The following PDE1C variants were observed in gnomAD, a reference collection of about 807,000 sequenced individuals.
PDE1C encodes the protein phosphodiesterase 1C.
In PDE1C, 62 loss-of-function variants were observed where a neutral mutation model predicts 93.1. The ratio of observed to expected loss-of-function variants is 0.67; its 90% confidence interval spans 0.54 to 0.82. The LOEUF (loss-of-function observed/expected upper bound fraction) is 0.82, where lower values mean the gene tolerates loss of function less well. Among genes scored for constraint, PDE1C ranks in the 40% least tolerant of loss-of-function variants. The pLI is 0.00. For missense variants in PDE1C, 742 were observed against 884.6 expected, an observed-to-expected ratio of 0.84 and a Z score of 2.04; for synonymous variants, 325 against 310.1, an observed-to-expected ratio of 1.05 and a Z score of -0.50.
the PDE1C span, among the ~76,000 whole-genome samples, chr7:31,644,137 A>G: frequency 3.6e-4 from 55 of 152,342 alleles, no homozygotes; most frequent in Admixed American, 1.3e-4. Context: ...TCTTCTCGAT[A>G]CTTCCAATCA....
intron 1 of PDE1C, among the ~76,000 whole-genome samples, chr7:32,389,425 C>A (rs1435787124): frequency 6.6e-6 from 1 of 152,138 alleles, no homozygotes; most frequent in Admixed American, 6.6e-5. Flanking sequence ...CCATGTTGGC[C>A]AGGCTGGTTT....
At chr7:32,185,559 C>G (rs1455097429) in intron 2 of PDE1C, among the ~76,000 whole-genome samples, 6 of 152,094 alleles carry the variant, frequency 3.9e-5, no homozygotes, top group Non-Finnish European at 8.8e-5. Context: ...TTCATCTTAC[C>G]TATTTCTTTT....
intron 2 of PDE1C, among the ~76,000 whole-genome samples, chr7:31,904,258 A>C (rs1388421785): frequency 6.6e-6 from 1 of 152,172 alleles, no homozygotes; most frequent in Non-Finnish European, 1.5e-5. Context: ...AGGAAGATAA[A>C]ACATTCTAAC....
chr7:31,996,105 A>ACT (rs1554455483), intron 2 of PDE1C, among the ~76,000 whole-genome samples: 136 of 148,214 alleles, frequency 9.2e-4, no homozygotes, highest in African/African-American at 3.2e-3. Context: ...ACACACACAC[A>ACT]CTTCCATGCA....
At chr7:32,222,126 G>T (rs7793909) in intron 1 of PDE1C, among the ~76,000 whole-genome samples, 18,300 of 152,032 alleles carry the variant, frequency 0.12, 1,192 homozygotes, top group East Asian at 0.23. Context: ...ACACACAAAT[G>T]CACATATGCA....
At chr7:32,089,958 A>G (rs1281391382) in intron 3 of PDE1C, among the ~76,000 whole-genome samples, 1 of 152,212 alleles carries the variant, frequency 6.6e-6, no homozygotes, top group Non-Finnish European at 1.5e-5. Context: ...AAGGCAGGAC[A>G]AAAATAGTTT....
chr7:31,975,922 A>G (rs1811604569), intron 2 of PDE1C, among the ~76,000 whole-genome samples: 1 of 152,214 alleles, frequency 6.6e-6, no homozygotes, highest in Non-Finnish European at 1.5e-5. Flanking sequence ...GACCAATCAA[A>G]AAGTATCACA....
chr7:32,114,511 AG>A (rs1417841207), intron 3 of PDE1C, among the ~76,000 whole-genome samples: 3 of 152,246 alleles, frequency 2.0e-5, no homozygotes, highest in African/African-American at 7.2e-5. Context: ...AAGCCATAAA[AG>A]CCCTAGAAGA....
At chr7:31,679,078 C>A in the PDE1C span, among the ~76,000 whole-genome samples, 1 of 152,166 alleles carries the variant, frequency 6.6e-6, no homozygotes, top group Non-Finnish European at 1.5e-5. Context: ...AAACTACATG[C>A]TTACTTTGTA....
the PDE1C span, chr7:31,707,292 C>T: frequency 6.2e-7 from 1 of 1,608,466 alleles, no homozygotes; most frequent in Non-Finnish European, 8.5e-7. Flanking sequence ...AAAGATAGTT[C>T]CCCTGAGACC....
At chr7:32,280,420 C>A (rs1811552519) in intron 1 of PDE1C, among the ~76,000 whole-genome samples, 1 of 151,726 alleles carries the variant, frequency 6.6e-6, no homozygotes, top group Non-Finnish European at 1.5e-5. Context: ...GGTCAAACAG[C>A]CAAAAAATAG....
intron 1 of PDE1C, among the ~76,000 whole-genome samples, chr7:32,279,701 G>C (rs1464047811): frequency 6.6e-6 from 1 of 151,996 alleles, no homozygotes; most frequent in Non-Finnish European, 1.5e-5. Flanking sequence ...AGTAGAAAAT[G>C]CTGATATGCC....
intron 15 of PDE1C, among the ~76,000 whole-genome samples, chr7:31,813,496 G>T (rs1159100375): frequency 2.6e-5 from 4 of 152,214 alleles, no homozygotes; most frequent in Non-Finnish European, 5.9e-5. Context: ...TGGAGCTGAT[G>T]TCTTGATCAT....
At chr7:32,212,025 CA>C (rs35827566) in intron 1 of PDE1C, among the ~76,000 whole-genome samples, 24,483 of 81,282 alleles carry the variant, frequency 0.3, 1,782 homozygotes, top group South Asian at 0.41. Context: ...GAACCTATCT[CA>C]AAAAAAAAAA....
intron 2 of PDE1C, among the ~76,000 whole-genome samples, chr7:31,928,463 C>T (rs1803695349): frequency 6.6e-6 from 1 of 151,204 alleles, no homozygotes; most frequent in Non-Finnish European, 1.5e-5. Flanking sequence ...AGAAGAGTAA[C>T]CCCAAGAAAC....
In PDE1C at chr7:32,002,932, GTTTC is replaced by G. The variant is rs750459596; in HGVS notation, c.128+48618_128+48621del. 1.9e-3 allele frequency among the ~76,000 whole-genome samples: 289 copies of G among 152,272 alleles called. 3 individuals carry two copies. Among genetic ancestry groups the G allele is most frequent in the African/African-American group, 3.9e-3 (164 of 41,566 alleles). Reference sequence around the variant, plus strand: ...GCAATATTCTGAAAATTGAAATTCAGTTTCTTTTTCTTGATATCCTTTTAGATAG... The same window carrying G: ...GCAATATTCTGAAAATTGAAATTCAGTTTTTCTTGATATCCTTTTAGATAG... On this transcript the variant is annotated intron_variant, in intron 2 of 17. Coordinates refer to ENST00000396191, the MANE Select transcript of PDE1C (RefSeq NM_001191057.4).
At chr7:32,155,632 G>A (rs146087530) in intron 3 of PDE1C, among the ~76,000 whole-genome samples, 104 of 152,332 alleles carry the variant, frequency 6.8e-4, no homozygotes, top group African/African-American at 2.4e-3. Flanking sequence ...GCAGGATGCT[G>A]ACACTGAATC....
the PDE1C span, among the ~76,000 whole-genome samples, chr7:31,729,746 A>G: frequency 2.7e-4 from 41 of 152,304 alleles, no homozygotes; most frequent in African/African-American, 9.6e-4. Context: ...TTAGTGTTGA[A>G]TCTTGAGAGA....
intron 11 of PDE1C, among the ~76,000 whole-genome samples, chr7:31,832,649 A>C (rs1790560736): frequency 6.6e-6 from 1 of 152,188 alleles, no homozygotes; most frequent in Admixed American, 6.5e-5. Context: ...TCTAGGTTAA[A>C]ATATTAAGTC....
Sources: gnomAD v4.1 joint callset for allele counts (sites outside exome capture counted in the v4.1 genomes callset) on GRCh38, gnomAD v4.1.1 for gene constraint, MANE v1.5 for transcripts, NCBI Gene and HGNC (gene_info 2026-07-23, HGNC 2026-07-21) for gene names.